LARGE1: variants seen among roughly 807,000 people sequenced by gnomAD.
LARGE1 encodes the protein xylosyl- and glucuronyltransferase LARGE1.
In LARGE1, 43 loss-of-function variants were observed where a neutral mutation model predicts 87.6. That is an observed-to-expected ratio of 0.49 (90% CI 0.38 to 0.63). LARGE1 has a LOEUF of 0.63. Among genes scored for constraint, LARGE1 ranks in the 30% least tolerant of loss-of-function variants. LARGE1 has a pLI of 0.00. For missense variants in LARGE1, 802 were observed against 1,000.2 expected, an observed-to-expected ratio of 0.80 and a Z score of 2.67; for synonymous variants, 434 against 394.6, an observed-to-expected ratio of 1.10 and a Z score of -1.18.
chr22:33,221,870 A>T (rs1172054881), intron 11 of LARGE1: 2 of 152,358 alleles, frequency 1.3e-5, no homozygotes, highest in East Asian at 1.9e-4. Context: ...TAAAGATTTT[A>T]AAAGGGAAAG....
chr22:33,231,100 CTG>C (rs1412761555), intron 11 of LARGE1, among the ~76,000 whole-genome samples: 3 of 152,208 alleles, frequency 2.0e-5, no homozygotes, highest in Non-Finnish European at 4.4e-5. Flanking sequence ...GATTTGTTGA[CTG>C]TTTTAATAAA....
rs2079191186 is a variant in LARGE1 at position 33,604,325 on chromosome 22, A to G, written c.615+110T>C. On this transcript the variant is annotated intron_variant, in intron 5 of 14. Transcript: ENST00000397394. ...CAAACAACTTCCTTACGCCCTACAC[A>G]TTTTCAGTTAGGAGCTGAGATTTCT... 2.8e-6 allele frequency: 4 copies of G among 1,439,754 alleles called. No individual in the cohort carries two copies. The South Asian group carries it at 4.6e-5, about 17-fold the overall frequency. The allele number at this position is 1,439,754 out of a possible 1,614,324, so 89.2% of individuals were successfully genotyped here.
chr22:33,719,524 T>TTTA (rs140042621), intron 2 of LARGE1, among the ~76,000 whole-genome samples: 2 of 150,926 alleles, frequency 1.3e-5, no homozygotes, highest in African/African-American at 2.4e-5. Context: ...TATTTATTTA[T>TTTA]TTATTTATTT....
At chr22:33,594,223 T>G (rs999287636) in intron 5 of LARGE1, among the ~76,000 whole-genome samples, 1 of 152,182 alleles carries the variant, frequency 6.6e-6, no homozygotes, top group African/African-American at 2.4e-5. Context: ...CTTTTGGTGC[T>G]TGACAATTTT....
chr22:33,425,477 T>C (rs2066844632), intron 7 of LARGE1, among the ~76,000 whole-genome samples: 1 of 152,170 alleles, frequency 6.6e-6, no homozygotes, highest in South Asian at 2.1e-4. Context: ...ATGGGACATC[T>C]GTTATAGCAC....
chr22:33,252,196 T>A (rs1333076789), intron 11 of LARGE1, among the ~76,000 whole-genome samples: 1 of 152,018 alleles, frequency 6.6e-6, no homozygotes, highest in Admixed American at 6.6e-5. Flanking sequence ...CTCCTAATAA[T>A]TATTTTTAAG....
At chr22:33,637,291 A>G (rs986004236) in intron 3 of LARGE1, among the ~76,000 whole-genome samples, 1 of 152,132 alleles carries the variant, frequency 6.6e-6, no homozygotes, top group African/African-American at 2.4e-5. Flanking sequence ...TTGCATCTTT[A>G]TTTGTTGTTG....
rs944219632 is a variant in LARGE1, at chr22:33,516,827, G to A, written c.787+48021C>T. Among the ~76,000 whole-genome samples, 9 of 152,014 alleles carry A rather than the reference G, an allele frequency of 5.9e-5. No individual in the cohort carries two copies. The East Asian group carries it at 1.4e-3, about 23-fold the overall frequency. ...TCTCGATCTCTTGACCTTGTGATGC[G>A]CCCACCTCGGCCTCCCAAAGTGCTG... On this transcript the variant is annotated intron_variant, in intron 6 of 14. Transcript: ENST00000397394.
chr22:33,569,410 C>T (rs540718194), intron 5 of LARGE1, among the ~76,000 whole-genome samples: 1 of 152,114 alleles, frequency 6.6e-6, no homozygotes, highest in Non-Finnish European at 1.5e-5. Context: ...CAACATGAGC[C>T]CAGTCCTGAA....
At chr22:33,379,264 T>TTC (rs145745671) in intron 9 of LARGE1, among the ~76,000 whole-genome samples, 1 of 119,236 alleles carries the variant, frequency 8.4e-6, no homozygotes, top group East Asian at 2.7e-4. Flanking sequence ...ATTTCTTTCT[T>TTC]TTTTTTTTTT....
At chr22:33,684,833 A>C (rs2081898076) in intron 2 of LARGE1, among the ~76,000 whole-genome samples, 1 of 152,154 alleles carries the variant, frequency 6.6e-6, no homozygotes, top group African/African-American at 2.4e-5. Context: ...AATTTTAACA[A>C]ACCATAGTTG....
intron 1 of LARGE1, among the ~76,000 whole-genome samples, chr22:33,805,307 T>C (rs1268036778): frequency 1.3e-5 from 2 of 152,064 alleles, no homozygotes; most frequent in African/African-American, 4.8e-5. Context: ...TCCTAACTGA[T>C]CTCCCTTCCT....
At chr22:33,379,497 T>C (rs2147091816) in intron 9 of LARGE1, among the ~76,000 whole-genome samples, 1 of 152,192 alleles carries the variant, frequency 6.6e-6, no homozygotes, top group Middle Eastern at 3.4e-3. Flanking sequence ...TAAAGACACA[T>C]GCACACCTAT....
chr22:33,805,085 C>T (rs1400227131), intron 1 of LARGE1, among the ~76,000 whole-genome samples: 1 of 152,200 alleles, frequency 6.6e-6, no homozygotes, highest in Admixed American at 6.5e-5. Context: ...TCCCGAACTC[C>T]ACCAACTTCG....
At chr22:33,508,041 A>C (rs2070848540) in intron 6 of LARGE1, among the ~76,000 whole-genome samples, 1 of 152,208 alleles carries the variant, frequency 6.6e-6, no homozygotes, top group African/African-American at 2.4e-5. Flanking sequence ...AAACAGCCAC[A>C]CTTCCCTTTG....
chr22:33,640,566 G>C (rs1479303886), intron 3 of LARGE1, among the ~76,000 whole-genome samples: 1 of 152,058 alleles, frequency 6.6e-6, no homozygotes, highest in Non-Finnish European at 1.5e-5. Flanking sequence ...AGTAGCAGCT[G>C]GAATCCCAGT....
chr22:33,714,020 A>ACATAACATAT (rs2149413918), intron 2 of LARGE1, among the ~76,000 whole-genome samples: 1 of 152,132 alleles, frequency 6.6e-6, no homozygotes, highest in African/African-American at 2.4e-5. Flanking sequence ...ACATAACATA[A>ACATAACATAT]CATAACATAA....
At chr22:33,651,722 C>G (rs4821169) in intron 2 of LARGE1, among the ~76,000 whole-genome samples, 9,527 of 152,240 alleles carry the variant, frequency 0.063, 582 homozygotes, top group African/African-American at 0.17. Flanking sequence ...TGCTGGAAGA[C>G]TGGATGCATG....
intron 1 of LARGE1, among the ~76,000 whole-genome samples, chr22:33,898,735 C>T (rs144649329): frequency 3.8e-4 from 58 of 152,304 alleles, no homozygotes; most frequent in African/African-American, 1.3e-3. Context: ...GCCTGGGCAA[C>T]GAGAGCAAAA....
Sources: gnomAD v4.1 joint callset for allele counts (sites outside exome capture counted in the v4.1 genomes callset) on GRCh38, gnomAD v4.1.1 for gene constraint, MANE v1.5 for transcripts, NCBI Gene and HGNC (gene_info 2026-07-23, HGNC 2026-07-21) for gene names.